FRMD4B: variants seen among roughly 807,000 people sequenced by gnomAD.
The protein encoded by FRMD4B is FERM domain-containing protein 4B.
In FRMD4B, 74 loss-of-function variants were observed where a neutral mutation model predicts 141.5. That is an observed-to-expected ratio of 0.52 (90% CI 0.43 to 0.63). The LOEUF (loss-of-function observed/expected upper bound fraction) is 0.63, where lower values mean the gene tolerates loss of function less well. FRMD4B is among the 30% of genes least tolerant of loss of function. The pLI is 0.00. For missense variants in FRMD4B, 1,366 were observed against 1,253.4 expected, an observed-to-expected ratio of 1.09 and a Z score of -1.36; for synonymous variants, 506 against 467.9, an observed-to-expected ratio of 1.08 and a Z score of -1.05.
Position 69,195,318 on chromosome 3 carries a change from G to T in FRMD4B, c.1281C>A (p.Ile427=). The T allele has an allele frequency of 6.2e-7, 1 of 1,613,014 alleles. No individual in the cohort carries two copies. Among genetic ancestry groups the T allele is most frequent in the South Asian group, 1.1e-5 (1 of 90,962 alleles). Residue 427 remains isoleucine, a synonymous_variant, in exon 15 of 23, where the codon ATC becomes ATA. Transcript: ENST00000398540. ...EVSEEQKREK[I]LELKKKEKLL... ...GTTTCTCCTTCTTCTTTAGTTCAAG[G>T]ATTTTTTCTCTCTTTTGCTCTTCAC...
chr3:69,257,681 A>G (rs1392062354), intron 5 of FRMD4B, among the ~76,000 whole-genome samples: 1 of 151,340 alleles, frequency 6.6e-6, no homozygotes, highest in Non-Finnish European at 1.5e-5. Flanking sequence ...TTTTTTCTTG[A>G]GACAGAGTCT....
intron 6 of FRMD4B, among the ~76,000 whole-genome samples, chr3:69,249,805 T>A (rs960698693): frequency 1.3e-5 from 2 of 152,218 alleles, no homozygotes; most frequent in African/African-American, 4.8e-5. Context: ...TGGGTTTAAT[T>A]CTTCTCCTTC....
At chr3:69,441,806 A>G (rs1033489467) in intron 1 of FRMD4B, among the ~76,000 whole-genome samples, 1 of 152,108 alleles carries the variant, frequency 6.6e-6, no homozygotes, top group East Asian at 1.9e-4. Flanking sequence ...CCTTTCTCCC[A>G]TATATTAGCA....
At chr3:69,376,000 G>A (rs1038386) in intron 1 of FRMD4B, among the ~76,000 whole-genome samples, 142,439 of 152,228 alleles carry the variant, frequency 0.94, 66,631 homozygotes, top group East Asian at 0.97. Flanking sequence ...TATAGGGATT[G>A]AAAATGAATT....
intron 1 of FRMD4B, among the ~76,000 whole-genome samples, chr3:69,314,863 A>C (rs1035836569): frequency 2.6e-5 from 4 of 152,036 alleles, no homozygotes; most frequent in Non-Finnish European, 5.9e-5. Context: ...GTATTTATTC[A>C]TTGGTGTGTT....
At chr3:69,333,755 T>C (rs1159338411) in intron 1 of FRMD4B, among the ~76,000 whole-genome samples, 1 of 152,210 alleles carries the variant, frequency 6.6e-6, no homozygotes, top group Non-Finnish European at 1.5e-5. Flanking sequence ...TCATCCATTG[T>C]CTTGTTTGCT....
At chr3:69,297,752 TAAC>T (rs1454327433) in intron 4 of FRMD4B, among the ~76,000 whole-genome samples, 1 of 152,176 alleles carries the variant, frequency 6.6e-6, no homozygotes, top group African/African-American at 2.4e-5. Context: ...GGCAGCCAGA[TAAC>T]AACCCCCAGC....
chr3:69,228,697 G>A (rs2093277507), intron 7 of FRMD4B: 1 of 330,320 alleles, frequency 3.0e-6, no homozygotes. Flanking sequence ...AATTAGCCAG[G>A]TGTCATGGCA....
At chr3:69,424,406 G>A (rs1393476254) in intron 2 of FRMD4B, among the ~76,000 whole-genome samples, 4 of 152,152 alleles carry the variant, frequency 2.6e-5, no homozygotes, top group African/African-American at 4.8e-5. Flanking sequence ...CGATCTTCCC[G>A]CTTTGGCCTC....
intron 10 of FRMD4B, 71 bp downstream of exon 10, chr3:69,218,251 G>A (rs890972188): frequency 2.6e-6 from 2 of 756,646 alleles, no homozygotes; most frequent in Admixed American, 2.6e-5. Context: ...CTTTTATATA[G>A]TATGAAAAAA....
At chr3:69,194,993 A>T (rs933490755) in intron 16 of FRMD4B, 29 bp downstream of exon 16, 1 of 1,600,802 alleles carries the variant, frequency 6.2e-7, no homozygotes, top group African/African-American at 1.3e-5. Flanking sequence ...CTTATGATTA[A>T]TTGAAAGGCT....
At position 69,287,880 on chromosome 3, in the gene FRMD4B, C is replaced by G. The variant is rs756002477; in HGVS notation, c.417-44G>C. 7.8e-6 allele frequency: 7 copies of G among 900,730 alleles called. No individual in the cohort carries two copies. The South Asian group carries it at 1.1e-4, about 14-fold the overall frequency. 55.8% of individuals were successfully genotyped at this position (900,730 alleles called of 1,614,324 possible). A position where few individuals can be genotyped will look rare whatever the true frequency, so the allele number is the denominator to read the frequency against. ...GTTTGTTCCTTCAGATTTATTTTCA[C>G]CTCTCAGCATTCCTCATTCAGTGTT... On this transcript the variant is annotated intron_variant, in intron 4 of 22. Transcript: ENST00000398540.
intron 4 of FRMD4B, among the ~76,000 whole-genome samples, chr3:69,294,039 G>A (rs1358635900): frequency 2.0e-5 from 3 of 152,132 alleles, no homozygotes; most frequent in Admixed American, 1.3e-4. Context: ...TCCCTCAACT[G>A]AGCATGGTTT....
Position 69,215,086 on chromosome 3 carries a change from C to A in FRMD4B, c.876+1177G>T, listed in dbSNP as rs941802693. Reference sequence around the variant, plus strand: ...GTAGAGACGGGGTTTCACCTTGTTGCCTTGGCTGATCTCAAACTCCTGAGC... The same window carrying A: ...GTAGAGACGGGGTTTCACCTTGTTGACTTGGCTGATCTCAAACTCCTGAGC... On this transcript the variant is annotated intron_variant, in intron 11 of 22. Coordinates refer to ENST00000398540, the MANE Select transcript of FRMD4B (RefSeq NM_015123.3). Among the ~76,000 whole-genome samples the A allele has an allele frequency of 9.3e-5, 14 of 150,684 alleles. 1 individual carries two copies. The highest frequency in any genetic ancestry group is 8.6e-4 in the Admixed American group (13 of 15,112).
intron 1 of FRMD4B, among the ~76,000 whole-genome samples, chr3:69,489,626 C>A (rs1042614726): frequency 6.6e-6 from 1 of 152,156 alleles, no homozygotes; most frequent in Non-Finnish European, 1.5e-5. Flanking sequence ...AACCTTCACA[C>A]ACTGCTGGTG....
At chr3:69,433,361 G>A (rs1027108129) in intron 1 of FRMD4B, among the ~76,000 whole-genome samples, 1 of 152,190 alleles carries the variant, frequency 6.6e-6, no homozygotes, top group Non-Finnish European at 1.5e-5. Context: ...CAGTCAATAA[G>A]CATGCTTCTC....
chr3:69,363,868 CT>C lies in FRMD4B; in HGVS notation c.162+21959del, dbSNP rs1450571382. Among the ~76,000 whole-genome samples, 11 of 152,320 alleles carry C rather than the reference CT, an allele frequency of 7.2e-5. No individual in the cohort carries two copies. In the East Asian group the frequency reaches 1.9e-3, roughly 27 times the overall value. ...GCAACAGGTGTACTGAGCTATTGGT[CT>C]TTTCAGGACTGGAGGCAGCCAGAGA... On this transcript the variant is annotated intron_variant, in intron 1 of 22. Transcript: ENST00000398540.
At chr3:69,448,650 T>C (rs928995698) in intron 1 of FRMD4B, among the ~76,000 whole-genome samples, 16 of 152,234 alleles carry the variant, frequency 1.1e-4, no homozygotes, top group Non-Finnish European at 1.5e-5. Flanking sequence ...CGGGGGCTTA[T>C]TGCTCATTTG....
intron 7 of FRMD4B, among the ~76,000 whole-genome samples, chr3:69,234,803 T>C (rs528392856): frequency 3.0e-4 from 46 of 152,192 alleles, no homozygotes; most frequent in Non-Finnish European, 5.7e-4. Flanking sequence ...CTCAGCAATC[T>C]GCTTTTAACT....
Sources: allele counts gnomAD v4.1 joint callset (sites outside exome capture counted in the v4.1 genomes callset), GRCh38; gene constraint gnomAD v4.1.1; transcripts MANE v1.5; gene names NCBI Gene and HGNC (gene_info 2026-07-23, HGNC 2026-07-21).